WNK2: variants seen among roughly 807,000 people sequenced by gnomAD.
The protein encoded by WNK2 is serine/threonine-protein kinase WNK2.
WNK2 carries 67 observed loss-of-function variants against 192.1 expected under a neutral mutation model. That is an observed-to-expected ratio of 0.35 (90% confidence interval 0.29 to 0.43). The LOEUF is 0.43. Ranked by LOEUF, WNK2 falls within the 20% of genes least tolerant of loss-of-function variation. The pLI, the probability that WNK2 is intolerant of heterozygous loss-of-function variation, is 1.00. For synonymous variants in WNK2, 1,439 were observed against 1,393.9 expected (o/e 1.03, Z -0.72); for missense variants, 2,698 against 3,089.7 (o/e 0.87, Z 3.01).
intron 16 of WNK2, among the ~76,000 whole-genome samples, chr9:93,264,491 C>A (rs948900350): frequency 6.6e-6 from 1 of 152,166 alleles, no homozygotes; most frequent in African/African-American, 2.4e-5. Flanking sequence ...TGGAGCCACC[C>A]CTCCCTGCCT....
intron 2 of WNK2, among the ~76,000 whole-genome samples, chr9:93,215,204 C>T (rs2131639033): frequency 6.6e-6 from 1 of 152,254 alleles, no homozygotes; most frequent in East Asian, 1.9e-4. Flanking sequence ...TCACTGCAAA[C>T]TCTGCCTCCT....
intron 7 of WNK2, among the ~76,000 whole-genome samples, chr9:93,243,363 C>T (rs1841105279): frequency 6.6e-6 from 1 of 152,190 alleles, no homozygotes; most frequent in Non-Finnish European, 1.5e-5. Context: ...GCCTCCTGTG[C>T]CCATCACCAC....
intron 5 of WNK2, among the ~76,000 whole-genome samples, chr9:93,237,118 G>A (rs879638642): frequency 1.3e-5 from 2 of 152,194 alleles, no homozygotes; most frequent in African/African-American, 2.4e-5. Flanking sequence ...CAAGCAGTGG[G>A]GAGGGGAGAT....
At chr9:93,280,268 G>T (rs1276812214) in intron 19 of WNK2, among the ~76,000 whole-genome samples, 1 of 152,084 alleles carries the variant, frequency 6.6e-6, no homozygotes, top group Non-Finnish European at 1.5e-5. Flanking sequence ...GATGCCAAAG[G>T]GGTGTATGAA....
At chr9:93,287,930 G>A (rs986602768) in intron 19 of WNK2, among the ~76,000 whole-genome samples, 5 of 152,040 alleles carry the variant, frequency 3.3e-5, no homozygotes, top group Non-Finnish European at 7.4e-5. Flanking sequence ...GCTGTGGTCC[G>A]AGCTACAAGG....
At chr9:93,310,112 G>A (rs180956215) in intron 28 of WNK2, among the ~76,000 whole-genome samples, 1 of 152,150 alleles carries the variant, frequency 6.6e-6, no homozygotes, top group Non-Finnish European at 1.5e-5. Flanking sequence ...AGCTGAATCT[G>A]TTCCCTTCTC....
chr9:93,230,538 A>C (rs1001862810), intron 3 of WNK2, among the ~76,000 whole-genome samples: 1 of 152,026 alleles, frequency 6.6e-6, no homozygotes, highest in Non-Finnish European at 1.5e-5. Flanking sequence ...TCACCCCCTC[A>C]CCTGAGCATC....
At chr9:93,318,339 G>C in intron 29 of WNK2, 1 of 1,586,562 alleles carries the variant, frequency 6.3e-7, no homozygotes, top group Non-Finnish European at 8.6e-7. Flanking sequence ...AAGTATTGAA[G>C]AGCTTCCATT....
intron 7 of WNK2, among the ~76,000 whole-genome samples, chr9:93,244,007 G>A (rs902566568): frequency 1.3e-5 from 2 of 152,246 alleles, no homozygotes; most frequent in African/African-American, 4.8e-5. Flanking sequence ...CAAGGCAGGA[G>A]GATTGCTTGA....
rs747644345 is a variant in WNK2, at chr9:93,292,894, G to A, written c.5429G>A (p.Gly1810Glu). The A allele has an allele frequency of 1.8e-5, 27 of 1,518,956 alleles. No individual in the cohort carries two copies. Among genetic ancestry groups the A allele is most frequent in the Middle Eastern group, 1.8e-4 (1 of 5,708 alleles). The allele number at this position is 1,518,956 out of a possible 1,614,324, so 94.1% of individuals were successfully genotyped here. ...GGCGAGCCCGTGTCCAGCGACTCTG[G>A]GGACGAGGGCCCTCGGGCGAGACCC... ...GVGEPVSSDS[G>E]DEGPRARPPV... The change falls in exon 23 of 30, where the codon GGG becomes GAG. Residue 1810 changes from glycine (G) to glutamate (E), a missense_variant. Transcript: ENST00000427277.
chr9:93,308,946 T>G, intron 28 of WNK2: 1 of 1,091,892 alleles, frequency 9.2e-7, no homozygotes. Flanking sequence ...GTTCTGTTTG[T>G]GCCCAGGCTG....
At chr9:93,187,882 G>A (rs970502100) in intron 2 of WNK2, among the ~76,000 whole-genome samples, 2 of 152,094 alleles carry the variant, frequency 1.3e-5, no homozygotes, top group African/African-American at 4.8e-5. Context: ...AGGGGCGTTG[G>A]ACTCTGCGAG....
At chr9:93,301,583 T>TC (rs952539543) in intron 26 of WNK2, among the ~76,000 whole-genome samples, 5 of 151,686 alleles carry the variant, frequency 3.3e-5, no homozygotes, top group African/African-American at 9.7e-5. Context: ...GTGGGCGCCT[T>TC]CCCCCCCACC....
intron 2 of WNK2, among the ~76,000 whole-genome samples, chr9:93,202,940 A>C (rs1832743345): frequency 6.6e-6 from 1 of 152,230 alleles, no homozygotes; most frequent in East Asian, 1.9e-4. Flanking sequence ...GACCACATCT[A>C]AGGCCATTTG....
chr9:93,275,656 A>G (rs899345262), intron 19 of WNK2, among the ~76,000 whole-genome samples: 2 of 152,250 alleles, frequency 1.3e-5, no homozygotes, highest in Non-Finnish European at 2.9e-5. Flanking sequence ...AAAAGAAAGA[A>G]ATAAAACTAT....
intron 16 of WNK2, among the ~76,000 whole-genome samples, chr9:93,264,720 G>C (rs186506741): frequency 2.7e-4 from 41 of 152,328 alleles, no homozygotes; most frequent in Non-Finnish European, 5.3e-4. Context: ...ATTCTCCCCA[G>C]ACCATTATTC....
intron 28 of WNK2, among the ~76,000 whole-genome samples, chr9:93,309,351 C>G (rs1853226628): frequency 6.6e-6 from 1 of 152,186 alleles, no homozygotes; most frequent in Admixed American, 6.5e-5. Context: ...TATCACACAC[C>G]TGTTCATTCC....
Position 93,262,027 on chromosome 9 carries a change from G to T in WNK2, c.3280G>T (p.Ala1094Ser), listed in dbSNP as rs774539325. ...PTQTATLLPP[A>S]NPPLPGGPGI... ...CCAGACTGCCACACTTCTGCCACCAGCAAACCCACCGCTGCCTGGCGGGCC... is the reference window on the plus strand; with the variant it reads ...CCAGACTGCCACACTTCTGCCACCATCAAACCCACCGCTGCCTGGCGGGCC... The change falls in exon 13 of 30, where the codon GCA becomes TCA. Residue 1094 changes from alanine to serine, a missense_variant. This residue lies in a region of WNK2 where 893 missense variants were observed against 909.0 expected (regional missense o/e 0.98). Coordinates refer to ENST00000427277, the MANE Select transcript of WNK2 (RefSeq NM_006648.4). 48 of 1,611,160 alleles carry T rather than the reference G, an allele frequency of 3.0e-5. No homozygotes were observed. In the South Asian group the frequency reaches 5.2e-4, roughly 17 times the overall value.
intron 21 of WNK2, 110 bp from the exon 22 acceptor site, chr9:93,292,198 G>C (rs563404580): frequency 9.0e-7 from 1 of 1,110,300 alleles, no homozygotes; most frequent in African/African-American, 1.5e-5. Context: ...TGTCCTGCCT[G>C]TCTGGAGGCA....
Sources: allele counts gnomAD v4.1 joint callset (sites outside exome capture counted in the v4.1 genomes callset), GRCh38; gene constraint gnomAD v4.1.1; regional missense constraint gnomAD v4.1.1; transcripts MANE v1.5; gene names NCBI Gene and HGNC (gene_info 2026-07-23, HGNC 2026-07-21).